The following MTPN variants were observed in gnomAD, a reference collection of about 807,000 sequenced individuals.
The protein encoded by MTPN is myotrophin.
MTPN carries 2 observed loss-of-function variants against 13.5 expected under a neutral mutation model. That is an observed-to-expected ratio of 0.15 (90% CI 0.06 to 0.47). The LOEUF (loss-of-function observed/expected upper bound fraction) is 0.47, where lower values mean the gene tolerates loss of function less well. MTPN is among the 20% of genes least tolerant of loss of function. The pLI is 0.97. For synonymous variants in MTPN, 46 were observed against 51.7 expected, an observed-to-expected ratio of 0.89 and a Z score of 0.48; for missense variants, 79 against 137.9, an observed-to-expected ratio of 0.57 and a Z score of 2.14.
At chr7:135,949,673 T>C (rs934439933) in intron 3 of MTPN, among the ~76,000 whole-genome samples, 1 of 152,212 alleles carries the variant, frequency 6.6e-6, no homozygotes, top group African/African-American at 2.4e-5. Context: ...AAATGTGCTA[T>C]CTTCTTTCCC....
At chr7:135,930,059 G>C (rs1798994133) in intron 3 of MTPN, 47 bp from the exon 4 acceptor site, 2 of 1,519,274 alleles carry the variant, frequency 1.3e-6, no homozygotes, top group Admixed American at 3.4e-5. Context: ...ACAACTGGGG[G>C]AAGGGAATGT....
chr7:135,930,086 G>A, intron 3 of MTPN, 74 bp from the exon 4 acceptor site: 2 of 1,281,244 alleles, frequency 1.6e-6, no homozygotes, highest in South Asian at 1.2e-5. Flanking sequence ...AGCTCACATG[G>A]CACAGGTTAA....
chr7:135,940,595 CTCAGT>C (rs1799193919), intron 3 of MTPN, among the ~76,000 whole-genome samples: 2 of 152,158 alleles, frequency 1.3e-5, no homozygotes, highest in African/African-American at 4.8e-5. Context: ...GGCTCTCAAG[CTCAGT>C]TAAGAAACTT....
rs554744065 is a variant in MTPN at position 135,935,133 on chromosome 7, A to G, written c.271-5121T>C. ...TGGAGACAGTATGCAGTTCTTGTTT[A>G]CTTAAGTCTTCAGACCATACTATTA... On this transcript the variant is annotated intron_variant, in intron 3 of 3. Transcript: ENST00000393085. 2.6e-5 allele frequency among the ~76,000 whole-genome samples: 4 copies of G among 152,306 alleles called. No homozygotes were observed. The East Asian group carries it at 7.7e-4, about 29-fold the overall frequency.
intron 2 of MTPN, among the ~76,000 whole-genome samples, 197 bp downstream of exon 2, chr7:135,951,320 A>ATT (rs1799361092): frequency 6.6e-6 from 1 of 152,204 alleles, no homozygotes; most frequent in Non-Finnish European, 1.5e-5. Flanking sequence ...TCAGCTTAAA[A>ATT]AAGTCAGCTT....
chr7:135,928,017 T>G lies in MTPN; in HGVS notation c.*1909A>C. The G allele has an allele frequency of 3.8e-6, 1 of 265,670 alleles. No individual in the cohort carries two copies. The highest frequency in any genetic ancestry group is 7.8e-6 in the Non-Finnish European group (1 of 127,614). 16.5% of individuals were successfully genotyped at this position (265,670 alleles called of 1,614,324 possible). On this transcript the variant is annotated 3_prime_UTR_variant, in exon 4 of 4. Transcript: ENST00000393085. ...TGAAAACAAAGGTATCAAAACACCC[T>G]GTTGCACTACGTTGATAGTTATAGA...
At chr7:135,950,577 T>C (rs747017645) in intron 3 of MTPN, 22 bp downstream of exon 3, 1 of 1,559,604 alleles carries the variant, frequency 6.4e-7, no homozygotes, top group South Asian at 1.1e-5. Context: ...GAAAAAGCAA[T>C]ACTATTAGCA....
Position 135,944,971 on chromosome 7 carries a change from C to T in MTPN, c.270+5628G>A, listed in dbSNP as rs187235631. Among the ~76,000 whole-genome samples the T allele has an allele frequency of 2.2e-4, 33 of 152,268 alleles. 1 individual carries two copies. Among genetic ancestry groups the T allele is most frequent in the South Asian group, 2.1e-4 (1 of 4,828 alleles). Reference sequence around the variant, plus strand: ...CCTAGATGGTATGGCCTACTACACACGTAGGATATATGTTATAGCCTATTG... The same window carrying T: ...CCTAGATGGTATGGCCTACTACACATGTAGGATATATGTTATAGCCTATTG... On this transcript the variant is annotated intron_variant, in intron 3 of 3. Coordinates refer to ENST00000393085, the MANE Select transcript of MTPN (RefSeq NM_145808.4).
At chr7:135,958,007 A>G (rs1490962314) in intron 1 of MTPN, among the ~76,000 whole-genome samples, 1 of 152,066 alleles carries the variant, frequency 6.6e-6, no homozygotes, top group Admixed American at 6.6e-5. Context: ...TCAGCCTCAG[A>G]TACTCCTTTG....
Position 135,974,936 on chromosome 7 carries a change from G to C in MTPN, c.72+2093C>G, listed in dbSNP as rs549273895. On this transcript the variant is annotated intron_variant, in intron 1 of 3. Coordinates refer to ENST00000393085, the MANE Select transcript of MTPN (RefSeq NM_145808.4). ...ATTATTTCTCATTAACAAAGTGAAA[G>C]ATACTTTATGAAATCTTCAAAACTA... Among the ~76,000 whole-genome samples, 9 of 152,308 alleles carry C rather than the reference G, an allele frequency of 5.9e-5. No homozygotes were observed. The East Asian group carries it at 1.2e-3, about 20-fold the overall frequency.
At chr7:135,934,884 C>T (rs767120410) in intron 3 of MTPN, among the ~76,000 whole-genome samples, 23 of 152,168 alleles carry the variant, frequency 1.5e-4, no homozygotes, top group Non-Finnish European at 1.8e-4. Context: ...GTCTTTAACA[C>T]TCTTTATAAC....
chr7:135,956,077 A>G (rs1799440031), intron 1 of MTPN, among the ~76,000 whole-genome samples: 1 of 152,204 alleles, frequency 6.6e-6, no homozygotes, highest in South Asian at 2.1e-4. Context: ...AAAGGCATCC[A>G]TTTCGAAAAG....
At chr7:135,961,262 C>G (rs1799517549) in intron 1 of MTPN, among the ~76,000 whole-genome samples, 1 of 151,960 alleles carries the variant, frequency 6.6e-6, no homozygotes, top group African/African-American at 2.4e-5. Flanking sequence ...TCAGGAAAGA[C>G]CTGAGCCTAT....
At chr7:135,950,908 G>T (rs1799355726) in intron 2 of MTPN, among the ~76,000 whole-genome samples, 1 of 152,110 alleles carries the variant, frequency 6.6e-6, no homozygotes, top group African/African-American at 2.4e-5. Flanking sequence ...AGGGAGCAGG[G>T]CTTTGACCTC....
At chr7:135,943,132 T>C (rs1584809002) in intron 3 of MTPN, among the ~76,000 whole-genome samples, 1 of 152,300 alleles carries the variant, frequency 6.6e-6, no homozygotes, top group South Asian at 2.1e-4. Flanking sequence ...GAAACCCAAC[T>C]TGACCATGTT....
At chr7:135,974,331 G>GC (rs1193555942) in intron 1 of MTPN, among the ~76,000 whole-genome samples, 6 of 152,114 alleles carry the variant, frequency 3.9e-5, no homozygotes, top group African/African-American at 1.4e-4. Context: ...ATCGCTTGAG[G>GC]CTAGGAGTTT....
intron 3 of MTPN, among the ~76,000 whole-genome samples, chr7:135,933,740 CA>C (rs1444057417): frequency 6.6e-6 from 1 of 152,182 alleles, no homozygotes; most frequent in Admixed American, 6.5e-5. Flanking sequence ...CCCAGTCCCA[CA>C]AACTAATGAA....
At chr7:135,970,335 G>A (rs1019942718) in intron 1 of MTPN, among the ~76,000 whole-genome samples, 2 of 152,142 alleles carry the variant, frequency 1.3e-5, no homozygotes, top group Non-Finnish European at 2.9e-5. Context: ...GCATTGGGGA[G>A]GGGAGATCTT....
chr7:135,930,071 A>T (rs1430196195), intron 3 of MTPN, 59 bp from the exon 4 acceptor site: 1 of 1,426,708 alleles, frequency 7.0e-7, no homozygotes, highest in East Asian at 2.3e-5. Context: ...AGGGAATGTA[A>T]GACTAGCTCA....
Sources: gnomAD v4.1 joint callset for allele counts (sites outside exome capture counted in the v4.1 genomes callset) on GRCh38, gnomAD v4.1.1 for gene constraint, MANE v1.5 for transcripts, NCBI Gene and HGNC (gene_info 2026-07-23, HGNC 2026-07-21) for gene names.